ADAMTS18: variants seen among roughly 807,000 people sequenced by gnomAD.
ADAMTS18 encodes the protein ADAM metallopeptidase with thrombospondin type 1 motif 18.
Under a neutral mutation model 165.9 loss-of-function variants are expected in ADAMTS18, and 157 were observed. That is an observed-to-expected ratio of 0.95 (90% CI 0.83 to 1.08). ADAMTS18 has a LOEUF of 1.08. Among genes scored for constraint, ADAMTS18 ranks in the 50% least tolerant of loss-of-function variants. The pLI, the probability that ADAMTS18 is intolerant of heterozygous loss-of-function variation, is 0.00. For synonymous variants in ADAMTS18, 782 were observed against 578.2 expected, an observed-to-expected ratio of 1.35 and a Z score of -5.06; for missense variants, 2,040 against 1,534.0, an observed-to-expected ratio of 1.33 and a Z score of -5.51.
chr16:77,408,374 A>T (rs543674641), intron 3 of ADAMTS18, among the ~76,000 whole-genome samples: 105 of 152,274 alleles, frequency 6.9e-4, no homozygotes, highest in Admixed American at 2.0e-3. Flanking sequence ...AGAAATGAGT[A>T]CATTTGAACC....
intron 3 of ADAMTS18, among the ~76,000 whole-genome samples, chr16:77,387,116 C>T (rs959428375): frequency 3.3e-5 from 5 of 152,114 alleles, no homozygotes; most frequent in East Asian, 3.9e-4. Flanking sequence ...AATGCACATG[C>T]GGTTAACTCG....
rs2055442491 is a variant in ADAMTS18, at chr16:77,295,080, C to T, written c.2849G>A (p.Gly950Asp). The T allele has an allele frequency of 1.9e-6, 3 of 1,614,186 alleles. No homozygotes were observed. In the African/African-American group the frequency reaches 4.0e-5, roughly 22 times the overall value. ...ACACTGGATCTTTCGGCTCTGCTGG[C>T]CTCCAGCACAGGCCTTGCTGCATGT... ...WSTCSKACAGGQQSRKIQCVQ... is the reference protein window; with the variant it reads ...WSTCSKACAGDQQSRKIQCVQ... Residue 950 changes from glycine to aspartate, a missense_variant, in exon 19 of 23, where the codon GGC (glycine) becomes GAC (aspartate). Coordinates refer to ENST00000282849, the MANE Select transcript of ADAMTS18 (RefSeq NM_199355.4).
chr16:77,382,356 G>A (rs573006156), intron 3 of ADAMTS18, among the ~76,000 whole-genome samples: 86 of 152,184 alleles, frequency 5.7e-4, no homozygotes, highest in Non-Finnish European at 7.8e-4. Context: ...GACTACAGGC[G>A]CCCGCCACCA....
chr16:77,356,140 G>C, intron 8 of ADAMTS18, 63 bp from the exon 9 acceptor site: 1 of 1,606,368 alleles, frequency 6.2e-7, no homozygotes, highest in Non-Finnish European at 8.5e-7. Flanking sequence ...AGGATAATCT[G>C]AGGAAGAATA....
chr16:77,296,645 C>T (rs538122937), intron 18 of ADAMTS18, among the ~76,000 whole-genome samples: 34 of 152,236 alleles, frequency 2.2e-4, no homozygotes, highest in Admixed American at 4.6e-4. Context: ...CATGGCAAAA[C>T]CCCGTCTCTA....
At chr16:77,315,512 C>A (rs976806383) in intron 16 of ADAMTS18, among the ~76,000 whole-genome samples, 1 of 152,156 alleles carries the variant, frequency 6.6e-6, no homozygotes, top group Non-Finnish European at 1.5e-5. Flanking sequence ...TGTGCAGGTG[C>A]AGGGCAAAAA....
chr16:77,323,875 A>G lies in ADAMTS18; in HGVS notation c.2033-1409T>C, dbSNP rs146242118. On this transcript the variant is annotated intron_variant, in intron 13 of 22. Transcript: ENST00000282849. ...CAGTGCATTCTGCTCTGCATCTAGC[A>G]AAGTGTCTCCTACACAAAAAGAGTT... Among the ~76,000 whole-genome samples the G allele has an allele frequency of 2.8e-3, 434 of 152,336 alleles. 5 individuals are homozygous for G. The highest frequency in any genetic ancestry group is 9.3e-3 in the African/African-American group (385 of 41,578).
rs185122074 is a variant in ADAMTS18, at chr16:77,331,118, T to C, written c.1859+4638A>G. On this transcript the variant is annotated intron_variant, in intron 12 of 22. Coordinates refer to ENST00000282849, the MANE Select transcript of ADAMTS18 (RefSeq NM_199355.4). ...AAAACTGCACTGAATGAAAATACTT[T>C]AGTGATTAATTATTCTATTAGGCAT... 4.8e-3 allele frequency among the ~76,000 whole-genome samples: 734 copies of C among 152,342 alleles called. 3 individuals carry two copies. The highest frequency in any genetic ancestry group is 8.1e-3 in the Non-Finnish European group (553 of 68,030).
intron 3 of ADAMTS18, among the ~76,000 whole-genome samples, chr16:77,389,241 T>A (rs2057152324): frequency 6.6e-6 from 1 of 152,168 alleles, no homozygotes. Context: ...GAAGGTCAAG[T>A]CTTCAGTGAG....
At chr16:77,285,090 C>T (rs188353493) in intron 22 of ADAMTS18, among the ~76,000 whole-genome samples, 1 of 151,086 alleles carries the variant, frequency 6.6e-6, no homozygotes, top group Non-Finnish European at 1.5e-5. Flanking sequence ...AGAATTCTTA[C>T]TCAGATGGGC....
chr16:77,306,464 T>A (rs978801587), intron 16 of ADAMTS18, among the ~76,000 whole-genome samples: 1 of 152,210 alleles, frequency 6.6e-6, no homozygotes, highest in South Asian at 2.1e-4. Context: ...GGTAAATGAT[T>A]CTCTTTCTTT....
At chr16:77,307,112 T>C (rs1053367853) in intron 16 of ADAMTS18, among the ~76,000 whole-genome samples, 2 of 152,248 alleles carry the variant, frequency 1.3e-5, no homozygotes, top group African/African-American at 2.4e-5. Flanking sequence ...ATCTCCTCAA[T>C]CAATTTTCCC....
chr16:77,353,580 T>G (rs1056654527), intron 10 of ADAMTS18, among the ~76,000 whole-genome samples, 153 bp downstream of exon 10: 3 of 152,178 alleles, frequency 2.0e-5, no homozygotes, highest in Non-Finnish European at 2.9e-5. Context: ...GACAGTAAAA[T>G]TGCCACTTAA....
At chr16:77,312,314 G>A (rs1489360956) in intron 16 of ADAMTS18, among the ~76,000 whole-genome samples, 2 of 151,404 alleles carry the variant, frequency 1.3e-5, no homozygotes, top group Non-Finnish European at 2.9e-5. Flanking sequence ...TTGGCTCACC[G>A]CAACCTCTGC....
At chr16:77,326,255 T>C (rs8051728) in intron 12 of ADAMTS18, among the ~76,000 whole-genome samples, 7,469 of 152,292 alleles carry the variant, frequency 0.049, 447 homozygotes, top group African/African-American at 0.14. Flanking sequence ...GATTTTTTTC[T>C]AGTTCTTTTC....
intron 3 of ADAMTS18, among the ~76,000 whole-genome samples, chr16:77,424,421 T>C (rs1567557461): frequency 6.7e-6 from 1 of 150,114 alleles, no homozygotes; most frequent in African/African-American, 2.5e-5. Context: ...TGAGCCAAGA[T>C]CATGCCATTG....
chr16:77,307,238 T>A (rs774199032), intron 16 of ADAMTS18, among the ~76,000 whole-genome samples: 1 of 152,212 alleles, frequency 6.6e-6, no homozygotes, highest in Admixed American at 6.5e-5. Flanking sequence ...ACGGAAAGAA[T>A]GGTTTTGTGG....
At chr16:77,331,875 T>C (rs2056195172) in intron 12 of ADAMTS18, among the ~76,000 whole-genome samples, 1 of 152,240 alleles carries the variant, frequency 6.6e-6, no homozygotes, top group South Asian at 2.1e-4. Context: ...CAAACTCTGC[T>C]TTATATTTTG....
At chr16:77,315,187 G>A (rs2055865125) in intron 16 of ADAMTS18, among the ~76,000 whole-genome samples, 1 of 151,994 alleles carries the variant, frequency 6.6e-6, no homozygotes, top group Non-Finnish European at 1.5e-5. Context: ...TCTACTAATA[G>A]TCCTTTGACA....
Sources: gnomAD v4.1 joint callset for allele counts (sites outside exome capture counted in the v4.1 genomes callset) on GRCh38, gnomAD v4.1.1 for gene constraint, MANE v1.5 for transcripts, NCBI Gene and HGNC (gene_info 2026-07-23, HGNC 2026-07-21) for gene names.